Variants in C5 observed in about 807,000 individuals in gnomAD.
C5 encodes complement C5, also known as C3 and PZP-like alpha-2-macroglobulin domain-containing protein 4.
A neutral mutation model predicts 218.8 loss-of-function variants in C5; 140 were observed. The ratio of observed to expected loss-of-function variants is 0.64; its 90% CI spans 0.56 to 0.74. The LOEUF is 0.74. C5 is among the 30% of genes least tolerant of loss of function. The pLI, the probability that C5 is intolerant of heterozygous loss-of-function variation, is 0.00. For missense variants in C5, 1,700 were observed against 1,969.6 expected (o/e 0.86, Z 2.59); for synonymous variants, 614 against 682.3 (o/e 0.90, Z 1.56).
intron 4 of C5, among the ~76,000 whole-genome samples, 156 bp from the exon 5 acceptor site, chr9:121,035,050 A>C (rs1214223544): frequency 6.6e-6 from 1 of 152,188 alleles, no homozygotes; most frequent in African/African-American, 2.4e-5. Flanking sequence ...AAGATCTGTT[A>C]AATGTTATAG....
intron 22 of C5, 57 bp from the exon 23 acceptor site, chr9:120,991,337 A>G (rs2047075917): frequency 1.1e-6 from 1 of 896,250 alleles, no homozygotes; most frequent in Non-Finnish European, 1.9e-6. Flanking sequence ...CTGTTTGCAG[A>G]TTATTTATAA....
chr9:121,048,563 G>C (rs2047647522), intron 1 of C5, among the ~76,000 whole-genome samples: 1 of 152,172 alleles, frequency 6.6e-6, no homozygotes, highest in African/African-American at 2.4e-5. Flanking sequence ...CCTGTCCCTA[G>C]TGCCAAAATG....
Position 121,013,929 on chromosome 9 carries a change from A to G in C5, c.2201T>C (p.Val734Ala). ...CIKAFTECCV[V>A]ASQLRANISH... Reference sequence around the variant, plus strand: ...GATATTAGCACGGAGCTGGCTTGCGACGACACAACATTCAGTGAAAGCTTT... The same window carrying G: ...GATATTAGCACGGAGCTGGCTTGCGGCGACACAACATTCAGTGAAAGCTTT... Residue 734 changes from valine to alanine, a missense_variant, in exon 17 of 41, where the codon GTC becomes GCC. Transcript: ENST00000223642. The G allele has an allele frequency of 1.9e-6, 3 of 1,614,164 alleles. No individual in the cohort carries two copies. Among genetic ancestry groups the G allele is most frequent in the Non-Finnish European group, 2.5e-6 (3 of 1,180,016 alleles).
chr9:120,991,645 A>G (rs1025276471), intron 22 of C5, among the ~76,000 whole-genome samples: 1 of 152,228 alleles, frequency 6.6e-6, no homozygotes, highest in African/African-American at 2.4e-5. Context: ...AATCAACTAT[A>G]TATTGAACAT....
In C5 at chr9:120,970,160, C is replaced by T. The variant is rs575078495; in HGVS notation, c.4162+10G>A. ...AGCCAAAATTACAGCGTAAATCCTG[C>T]TGTTTTTACCTTCAATATCCTGAGT... On this transcript the variant is annotated intron_variant, in intron 32 of 40. Transcript: ENST00000223642. 15 of 1,585,598 alleles carry T rather than the reference C, an allele frequency of 9.5e-6. No individual in the cohort carries two copies. The East Asian group carries it at 2.7e-4, about 28-fold the overall frequency.
At chr9:121,062,475 T>C in the C5 span, among the ~76,000 whole-genome samples, 1 of 152,166 alleles carries the variant, frequency 6.6e-6, no homozygotes, top group African/African-American at 2.4e-5. Context: ...GAAGCCAGCT[T>C]TGGAGTAGCT....
At chr9:121,057,368 T>A in the C5 span, among the ~76,000 whole-genome samples, 2 of 152,164 alleles carry the variant, frequency 1.3e-5, no homozygotes, top group Non-Finnish European at 2.9e-5. Context: ...ATATACTTAA[T>A]AGAATGACTA....
chr9:121,024,586 C>G (rs1392728908), intron 9 of C5, among the ~76,000 whole-genome samples: 1 of 152,072 alleles, frequency 6.6e-6, no homozygotes, highest in African/African-American at 2.4e-5. Context: ...ACCATCTACT[C>G]TTCTTCATCT....
chr9:120,993,799 C>T (rs1244350320), intron 22 of C5, among the ~76,000 whole-genome samples: 1 of 152,120 alleles, frequency 6.6e-6, no homozygotes, highest in Non-Finnish European at 1.5e-5. Flanking sequence ...GTTACATATA[C>T]ATAGATTAAA....
intron 3 of C5, among the ~76,000 whole-genome samples, chr9:121,040,315 T>G (rs1285970077): frequency 6.6e-6 from 1 of 152,084 alleles, no homozygotes; most frequent in Non-Finnish European, 1.5e-5. Flanking sequence ...CAGTTTGGCT[T>G]GTGTCTATAG....
intron 25 of C5, among the ~76,000 whole-genome samples, chr9:120,983,316 A>C (rs950235839): frequency 1.3e-5 from 2 of 152,136 alleles, no homozygotes; most frequent in African/African-American, 4.8e-5. Context: ...CCCCACAGGA[A>C]ATTTTAATGA....
Position 120,962,965 on chromosome 9 carries a change from A to G in C5, c.4326T>C (p.Leu1442=), listed in dbSNP as rs1445243428. 1 of 1,611,004 alleles carries G rather than the reference A, an allele frequency of 6.2e-7. No individual in the cohort carries two copies. The highest frequency in any genetic ancestry group is 8.5e-7 in the Non-Finnish European group (1 of 1,177,110). The change falls in exon 35 of 41, where the codon CTT becomes CTC. Residue 1442 remains leucine (L), a splice_region_variant and synonymous_variant. Transcript: ENST00000223642. ...TGAATAGTTGATCCACCCCTTCCACAAGCTAAGGGGGAAAAGAGAGAAGCT... is the reference window on the plus strand; with the variant it reads ...TGAATAGTTGATCCACCCCTTCCACGAGCTAAGGGGGAAAAGAGAGAAGCT... ...ISANEEDLKA[L]VEGVDQLFTD... is the part of the protein sequence containing the mutation.
upstream of C5, among the ~76,000 whole-genome samples, chr9:121,051,351 T>C (rs1041304441): frequency 2.6e-5 from 4 of 152,134 alleles, no homozygotes; most frequent in Non-Finnish European, 4.4e-5. Flanking sequence ...CTCGAACTCC[T>C]GACCTCAGGT....
intron 22 of C5, among the ~76,000 whole-genome samples, chr9:120,993,694 T>C (rs569587368): frequency 6.6e-6 from 1 of 152,316 alleles, no homozygotes; most frequent in South Asian, 2.1e-4. Context: ...AGTGCTGGGA[T>C]TACAGGCGTG....
At chr9:121,020,241 C>T in intron 11 of C5, 62 bp from the exon 12 acceptor site, 1 of 1,191,120 alleles carries the variant, frequency 8.4e-7, no homozygotes, top group South Asian at 1.2e-5. Flanking sequence ...GTAAAACATA[C>T]CTTTCAAATT....
At chr9:121,073,195 A>G in the C5 span, among the ~76,000 whole-genome samples, 1 of 152,204 alleles carries the variant, frequency 6.6e-6, no homozygotes, top group African/African-American at 2.4e-5. Context: ...TGCACAAGCC[A>G]TACTGAACTA....
intron 40 of C5, 149 bp from the exon 41 acceptor site, chr9:120,953,017 G>A (rs1039202751): frequency 6.3e-5 from 47 of 746,556 alleles, no homozygotes; most frequent in Non-Finnish European, 8.9e-5. Context: ...TCTGCCTCTC[G>A]GGTTCACGCC....
chr9:120,991,447 C>T (rs1197937859), intron 22 of C5, among the ~76,000 whole-genome samples, 167 bp from the exon 23 acceptor site: 1 of 151,986 alleles, frequency 6.6e-6, no homozygotes, highest in African/African-American at 2.4e-5. Flanking sequence ...TTAATCAAAC[C>T]CTAGGCTTGT....
intron 12 of C5, among the ~76,000 whole-genome samples, chr9:121,019,408 G>A (rs1002193247): frequency 1.3e-5 from 2 of 152,106 alleles, no homozygotes; most frequent in Non-Finnish European, 2.9e-5. Context: ...TTTTCTGTAA[G>A]TTTTTTTCTT....
Sources: allele counts gnomAD v4.1 joint callset (sites outside exome capture counted in the v4.1 genomes callset), GRCh38; gene constraint gnomAD v4.1.1; transcripts MANE v1.5; gene names NCBI Gene and HGNC (gene_info 2026-07-23, HGNC 2026-07-21).